The following CMA1 variants were observed in gnomAD, a reference collection of about 807,000 sequenced individuals.
The protein encoded by CMA1 is chymase.
A neutral mutation model predicts 18.8 loss-of-function variants in CMA1; 24 were observed. The observed-to-expected ratio is 1.28, with a 90% CI of 0.92 to 1.80. The LOEUF is 1.80. Among genes scored for constraint, CMA1 ranks in the 40% most tolerant of loss-of-function variants. The pLI is 0.00. For missense variants in CMA1, 421 were observed against 302.8 expected (o/e 1.39, Z -2.90); for synonymous variants, 152 against 117.0 (o/e 1.30, Z -1.93).
chr14:24,508,032 G>A (rs2043873835), intron 1 of CMA1, 146 bp downstream of exon 1: 3 of 708,646 alleles, frequency 4.2e-6, no homozygotes, highest in Non-Finnish European at 7.2e-6. Context: ...GGGTGGGGTG[G>A]CACACATCCC....
At chr14:24,507,099 G>A (rs898521182) in intron 2 of CMA1, among the ~76,000 whole-genome samples, 1 of 152,162 alleles carries the variant, frequency 6.6e-6, no homozygotes, top group Non-Finnish European at 1.5e-5. Context: ...GAGTTGGGTA[G>A]GGGTGAGGGG....
chr14:24,505,988 A>C (rs1365047038), intron 4 of CMA1, 40 bp downstream of exon 4: 8 of 1,606,852 alleles, frequency 5.0e-6, no homozygotes, highest in Non-Finnish European at 6.8e-6. Context: ...CTGGTCCCTG[A>C]ACAGTGAGTT....
intron 2 of CMA1, 136 bp from the exon 3 acceptor site, chr14:24,506,740 G>A (rs2043860988): frequency 1.9e-6 from 2 of 1,036,206 alleles, no homozygotes; most frequent in Non-Finnish European, 1.4e-6. Flanking sequence ...CTTTTCATGG[G>A]CCACTTGTGG....
Position 24,508,212 on chromosome 14 carries a change from C to T in CMA1, c.24G>A (p.Leu8=), listed in dbSNP as rs1395082036. 3 of 1,613,868 alleles carry T rather than the reference C, an allele frequency of 1.9e-6. No homozygotes were observed. In the South Asian group the frequency reaches 3.3e-5, roughly 18 times the overall value. ...CTCTGGAGCACAAGAGAAAGAGCAG[C>T]AGGGGGAGAGGAAGAAGCAGCATCT... MLLLPLP[L]LLFLLCSRAE... The change falls in exon 1 of 5, where the codon CTG becomes CTA. Residue 8 remains leucine (L), a synonymous_variant. Coordinates refer to ENST00000250378, the MANE Select transcript of CMA1 (RefSeq NM_001836.5).
intron 1 of CMA1, 85 bp downstream of exon 1, chr14:24,508,093 T>C: frequency 1.5e-6 from 2 of 1,311,154 alleles, no homozygotes; most frequent in Non-Finnish European, 2.2e-6. Context: ...GGAACCCTGT[T>C]TAGGAGTCAG....
chr14:24,505,710 C>G (rs2043847666), intron 4 of CMA1, 51 bp from the exon 5 acceptor site: 5 of 1,551,120 alleles, frequency 3.2e-6, no homozygotes, highest in Non-Finnish European at 4.3e-6. Flanking sequence ...GTCCTCCACT[C>G]CTGTCTGCCA....
At chr14:24,508,137 C>T (rs368630140) in intron 1 of CMA1, 41 bp downstream of exon 1, 5 of 1,570,972 alleles carry the variant, frequency 3.2e-6, no homozygotes, top group South Asian at 2.2e-5. Flanking sequence ...GTTTCAGGAG[C>T]TGATACTGCA....
At chr14:24,505,900 G>C (rs898850371) in intron 4 of CMA1, 128 bp downstream of exon 4, 2 of 1,318,660 alleles carry the variant, frequency 1.5e-6, no homozygotes, top group Non-Finnish European at 1.0e-6. Context: ...CTTGGACCAC[G>C]GGAGGACAGC....
chr14:24,507,985 G>C, intron 1 of CMA1, 193 bp downstream of exon 1: 1 of 593,200 alleles, frequency 1.7e-6, no homozygotes, highest in East Asian at 2.9e-5. Flanking sequence ...CCTGGGGGCT[G>C]TCCTAGGCTG....
At chr14:24,505,702 C>T (rs2043847606) in intron 4 of CMA1, 43 bp from the exon 5 acceptor site, 12 of 1,558,068 alleles carry the variant, frequency 7.7e-6, no homozygotes, top group Non-Finnish European at 1.0e-5. Context: ...CCCGGGAAGT[C>T]CTCCACTCCT....
Position 24,507,468 on chromosome 14 carries a change from G to T in CMA1, c.97C>A (p.Arg33Ser), listed in dbSNP as rs138432864. The T allele has an allele frequency of 7.4e-6, 12 of 1,614,142 alleles. No homozygotes were observed. In the East Asian group the frequency reaches 2.2e-4, roughly 30 times the overall value. ...ATTTCCAGGTAGGCCATGTAGGGGCGGGAATGTGGCTTGCATTCTGTGCCC... is the reference window on the plus strand; with the variant it reads ...ATTTCCAGGTAGGCCATGTAGGGGCTGGAATGTGGCTTGCATTCTGTGCCC... ...IGGTECKPHS[R>S]PYMAYLEIVT... The change falls in exon 2 of 5, where the codon CGC (arginine) becomes AGC (serine). Residue 33 changes from arginine to serine, a missense_variant. By Grantham distance (110) the Arg-to-Ser change is moderately radical. Transcript: ENST00000250378.
chr14:24,505,919 T>C, intron 4 of CMA1, 109 bp downstream of exon 4: 1 of 1,437,714 alleles, frequency 7.0e-7, no homozygotes, highest in Non-Finnish European at 9.5e-7. Context: ...GCAATTCCTG[T>C]GATGCTCACC....
At chr14:24,506,905 A>T (rs531395544) in intron 2 of CMA1, among the ~76,000 whole-genome samples, 1 of 152,336 alleles carries the variant, frequency 6.6e-6, no homozygotes, top group African/African-American at 2.4e-5. Context: ...CATGAGGGCC[A>T]GCCCCTGAAG....
In CMA1 at chr14:24,506,243, G is replaced by A. The variant is rs2043854814; in HGVS notation, c.385C>T (p.Leu129Phe). 6.2e-7 allele frequency: 1 copy of A among 1,614,156 alleles called. No individual in the cohort carries two copies. The change falls in exon 4 of 5, where the codon CTC (leucine) becomes TTC (phenylalanine). Residue 129 changes from leucine to phenylalanine, a missense_variant. Transcript: ENST00000250378. ...KASLTLAVGT[L>F]PFPSQFNFVP... ...AAGTTGAATTGGGATGGGAAGGGGA[G>A]TGTCCCCACAGCCAGGGTCAGGCTG...
rs367548577 is a variant in CMA1, at chr14:24,506,194, C to T, written c.434G>A (p.Arg145Gln). The change falls in exon 4 of 5, where the codon CGG (arginine) becomes CAG (glutamine). Residue 145 changes from arginine (R) to glutamine (Q), a missense_variant. Arg to Gln is a conservative substitution (Grantham distance 43). Coordinates refer to ENST00000250378, the MANE Select transcript of CMA1 (RefSeq NM_001836.5). ...ACCTGTTCTTCCCCAGCCAGCCACC[C>T]GGCACATTCTCCCAGGTGGGACAAA... is the stretch of plus-strand genomic sequence containing the variant. ...FNFVPPGRMC[R>Q]VAGWGRTGVL... is the part of the protein sequence containing the mutation. 67 of 1,614,044 alleles carry T rather than the reference C, an allele frequency of 4.2e-5. No individual in the cohort carries two copies. The highest frequency in any genetic ancestry group is 5.3e-5 in the African/African-American group (4 of 74,908).
chr14:24,505,895 A>C (rs1007325607), intron 4 of CMA1, 133 bp downstream of exon 4: 17 of 1,293,686 alleles, frequency 1.3e-5, no homozygotes, highest in Non-Finnish European at 1.8e-5. Flanking sequence ...GCTGTCTTGG[A>C]CCACGGGAGG....
rs1037343171 is a variant in CMA1, at chr14:24,505,899, C to T, written c.600+129G>A. The T allele has an allele frequency of 7.6e-5, 100 of 1,319,058 alleles. No homozygotes were observed. The African/African-American group carries it at 7.9e-4, about 10-fold the overall frequency. 81.7% of individuals were successfully genotyped at this position (1,319,058 alleles called of 1,614,324 possible). A position where few individuals can be genotyped will look rare whatever the true frequency, so the allele number is the denominator to read the frequency against. On this transcript the variant is annotated intron_variant, in intron 4 of 4. Transcript: ENST00000250378. ...GATGGTCAGAGGCTGTCTTGGACCA[C>T]GGGAGGACAGCAATTCCTGTGATGC...
At chr14:24,506,702 A>G in intron 2 of CMA1, 98 bp from the exon 3 acceptor site, 1 of 1,463,296 alleles carries the variant, frequency 6.8e-7, no homozygotes. Context: ...AAACTCTGTC[A>G]CTGGGTCGCC....
Position 24,507,410 on chromosome 14 carries a change from C to T in CMA1, c.155G>A (p.Gly52Asp), listed in dbSNP as rs200189048. 2.5e-6 allele frequency: 4 copies of T among 1,614,178 alleles called. No homozygotes were observed. The highest frequency in any genetic ancestry group is 3.4e-6 in the Non-Finnish European group (4 of 1,180,030). ...AAAGTTCCGTCTTATAAGGAAACCA[C>T]CACAAAATTTTGAGGGACCGTTGGA... ...VTSNGPSKFC[G>D]GFLIRRNFVL... Residue 52 changes from glycine to aspartate, a missense_variant, in exon 2 of 5, where the codon GGT becomes GAT. Coordinates refer to ENST00000250378, the MANE Select transcript of CMA1 (RefSeq NM_001836.5).
Sources: allele counts gnomAD v4.1 joint callset (sites outside exome capture counted in the v4.1 genomes callset), GRCh38; gene constraint gnomAD v4.1.1; transcripts MANE v1.5; gene names NCBI Gene and HGNC (gene_info 2026-07-23, HGNC 2026-07-21).